The following ATR variants were observed in gnomAD, a reference collection of about 807,000 sequenced individuals.
The protein encoded by ATR is ATR checkpoint kinase.
In ATR, 142 loss-of-function variants were observed where a neutral mutation model predicts 305.3. That is an observed-to-expected ratio of 0.47 (90% CI 0.41 to 0.53). The LOEUF is 0.53. Among genes scored for constraint, ATR ranks in the 20% least tolerant of loss-of-function variants. The pLI is 0.00. For synonymous variants in ATR, 1,050 were observed against 1,068.1 expected, an observed-to-expected ratio of 0.98 and a Z score of 0.33; for missense variants, 2,135 against 3,133.1, an observed-to-expected ratio of 0.68 and a Z score of 7.60.
At chr3:142,535,280 C>T (rs1190192582) in intron 20 of ATR, 75 bp from the exon 21 acceptor site, 81 of 1,566,792 alleles carry the variant, frequency 5.2e-5, no homozygotes, top group Non-Finnish European at 7.0e-5. Flanking sequence ...CCTGAATTCT[C>T]TATATAGTTA....
intron 10 of ATR, 109 bp from the exon 11 acceptor site, chr3:142,554,124 A>G (rs934780660): frequency 1.1e-6 from 1 of 925,982 alleles, no homozygotes; most frequent in East Asian, 2.7e-5. Context: ...AAGTTCTCTT[A>G]TAATGTCAAT....
intron 36 of ATR, among the ~76,000 whole-genome samples, chr3:142,479,646 T>C (rs1369939185): frequency 2.6e-5 from 4 of 152,214 alleles, no homozygotes; most frequent in East Asian, 1.9e-4. Flanking sequence ...CCTTGCTAGG[T>C]TGGGGAAGTT....
At chr3:142,468,125 GAT>G in intron 38 of ATR, 57 bp from the exon 39 acceptor site, 1 of 1,584,312 alleles carries the variant, frequency 6.3e-7, no homozygotes, top group Non-Finnish European at 8.6e-7. Flanking sequence ...ATTTTTAAAA[GAT>G]AAATTTTTTG....
At chr3:142,452,112 A>G (rs2070805298) in intron 46 of ATR, 1 of 1,019,682 alleles carries the variant, frequency 9.8e-7, no homozygotes, top group Non-Finnish European at 1.2e-6. Flanking sequence ...GAACTAAAGA[A>G]GCAGCTAAAC....
chr3:142,568,502 G>A (rs1450000284), intron 1 of ATR, among the ~76,000 whole-genome samples: 1 of 152,216 alleles, frequency 6.6e-6, no homozygotes, highest in African/African-American at 2.4e-5. Flanking sequence ...GGTGAGGAAG[G>A]TGGTGCTAGG....
At position 142,459,033 on chromosome 3, in the gene ATR, A is replaced by G. The variant is rs2108260247; in HGVS notation, c.7428T>C (p.Arg2476=). The change falls in exon 44 of 47, where the codon CGT becomes CGC. Residue 2476 remains arginine, a synonymous_variant. Transcript: ENST00000350721. ...AATCAAAGAGAATATTTTCACCATG[A>G]CGGTCTCCAAGCCCCAGAATATAAC... The part of the protein sequence containing the change: ...MVGYILGLGD[R]HGENILFDSL... 2 of 1,614,012 alleles carry G rather than the reference A, an allele frequency of 1.2e-6. No individual in the cohort carries two copies. The highest frequency in any genetic ancestry group is 1.7e-6 in the Non-Finnish European group (2 of 1,179,890).
Position 142,496,364 on chromosome 3 carries a change from G to A in ATR, c.5895C>T (p.Ser1965=), listed in dbSNP as rs755816184. ...ATGACATTTCCCTGGCCATTACCTT[G>A]GACCAGAGCCACTTTGCCCTTTCCA... ...LYVERAKWLW[S]KGDVHQALIV... The change falls in exon 34 of 47, where the codon TCC becomes TCT. Residue 1965 remains serine, a synonymous_variant. Coordinates refer to ENST00000350721, the MANE Select transcript of ATR (RefSeq NM_001184.4). The A allele has an allele frequency of 2.6e-6, 4 of 1,519,850 alleles. 1 individual carries two copies. Among genetic ancestry groups the A allele is most frequent in the Non-Finnish European group, 3.5e-6 (4 of 1,132,566 alleles). The allele number at this position is 1,519,850 out of a possible 1,614,324, so 94.1% of individuals were successfully genotyped here.
chr3:142,540,661 C>T (rs1209053665), intron 18 of ATR, among the ~76,000 whole-genome samples: 1 of 151,952 alleles, frequency 6.6e-6, no homozygotes, highest in Admixed American at 6.6e-5. Flanking sequence ...TTGATAACTG[C>T]TAAAGTTGGG....
rs143923855 is a variant in ATR, at chr3:142,508,036, T to G, written c.4926A>C (p.Ala1642=). 7 of 1,613,464 alleles carry G rather than the reference T, an allele frequency of 4.3e-6. No individual in the cohort carries two copies. Among genetic ancestry groups the G allele is most frequent in the Non-Finnish European group, 5.9e-6 (7 of 1,179,776 alleles). ...ATGCTTTGGAGCGAAAGGAAGCTAC[T>G]GCCAGAGTATCCTGGGGTATGAGGT... ...FLDLIPQDTL[A]VASFRSKAYT... Residue 1642 remains alanine, a synonymous_variant, in exon 28 of 47, where the codon GCA becomes GCC. Coordinates refer to ENST00000350721, the MANE Select transcript of ATR (RefSeq NM_001184.4).
intron 42 of ATR, among the ~76,000 whole-genome samples, chr3:142,461,006 A>G (rs910954549): frequency 6.6e-6 from 1 of 152,162 alleles, no homozygotes. Flanking sequence ...TTTAGGGGTC[A>G]GGATCCAATC....
Position 142,536,224 on chromosome 3 carries a change from A to G in ATR, c.3726-23T>C, listed in dbSNP as rs537317028. 22 of 1,485,116 alleles carry G rather than the reference A, an allele frequency of 1.5e-5. No individual in the cohort carries two copies. The East Asian group carries it at 4.8e-4, about 32-fold the overall frequency. 92.0% of individuals were successfully genotyped at this position (1,485,116 alleles called of 1,614,324 possible). On this transcript the variant is annotated intron_variant, in intron 19 of 46. Transcript: ENST00000350721. ...TCCCTAATAGTTAGTTGGAATAAAA[A>G]GAATTATTTGCCAAGAATATGAATA...
rs563493385 is a variant in ATR at position 142,561,596 on chromosome 3, C to T, written c.1171-175G>A. Among the ~76,000 whole-genome samples the T allele has an allele frequency of 1.8e-4, 27 of 152,178 alleles. No homozygotes were observed. In the South Asian group the frequency reaches 5.6e-3, roughly 32 times the overall value. On this transcript the variant is annotated intron_variant, in intron 4 of 46. Coordinates refer to ENST00000350721, the MANE Select transcript of ATR (RefSeq NM_001184.4). ...TATATTATTTAAGTCTATATATAGA[C>T]TATGGTTCTATAGTCTTAGAAGGTT...
chr3:142,452,190 G>T, intron 46 of ATR: 1 of 1,001,378 alleles, frequency 1.0e-6, no homozygotes, highest in South Asian at 4.3e-5. Flanking sequence ...AGCCTTCCTC[G>T]AGCTATATCA....
At chr3:142,475,021 C>A (rs1033002299) in intron 36 of ATR, among the ~76,000 whole-genome samples, 3 of 151,850 alleles carry the variant, frequency 2.0e-5, no homozygotes, top group African/African-American at 7.3e-5. Context: ...AGAGGGGTGA[C>A]ATAAAGGTTA....
intron 36 of ATR, among the ~76,000 whole-genome samples, chr3:142,484,863 G>A (rs896766841): frequency 2.6e-5 from 4 of 152,192 alleles, no homozygotes; most frequent in African/African-American, 9.7e-5. Flanking sequence ...GTCTTCTACT[G>A]TGTTGATGAT....
chr3:142,503,246 C>A, intron 30 of ATR, 116 bp downstream of exon 30: 1 of 752,600 alleles, frequency 1.3e-6, no homozygotes, highest in Non-Finnish European at 2.2e-6. Context: ...TCTCCAATAC[C>A]ATGAAAACAC....
In ATR at chr3:142,473,686, C is replaced by T. The variant is rs62276425; in HGVS notation, c.6222-3503G>A. On this transcript the variant is annotated intron_variant, in intron 36 of 46. Coordinates refer to ENST00000350721, the MANE Select transcript of ATR (RefSeq NM_001184.4). ...TCAACCTCCTGAGTAGCTAGGATTACAGGTGCATGCCACCATGCCCAGCTA... is the reference window on the plus strand; with the variant it reads ...TCAACCTCCTGAGTAGCTAGGATTATAGGTGCATGCCACCATGCCCAGCTA... 5.4e-3 allele frequency among the ~76,000 whole-genome samples: 825 copies of T among 152,030 alleles called. 10 individuals carry two copies. The highest frequency in any genetic ancestry group is 7.3e-3 in the Non-Finnish European group (496 of 67,958).
chr3:142,553,828 C>G lies in ATR; in HGVS notation c.2529G>C (p.Lys843Asn). ...ESLDSEDGFI[K>N]ELFVLRMKEA... Reference sequence around the variant, plus strand: ...GTTAAAAACAAAAATTATCAACCTCCTTTATAAATCCATCTTCAGAGTCCA... The same window carrying G: ...GTTAAAAACAAAAATTATCAACCTCGTTTATAAATCCATCTTCAGAGTCCA... The change falls in exon 11 of 47, where the codon AAG becomes AAC. Residue 843 changes from lysine (K) to asparagine (N), a missense_variant. Around this residue, in one of 9 missense-constraint regions of ATR, gnomAD observed 530 missense variants for 766.8 expected, o/e 0.69. Coordinates refer to ENST00000350721, the MANE Select transcript of ATR (RefSeq NM_001184.4). 6.2e-7 allele frequency: 1 copy of G among 1,613,346 alleles called. No individual in the cohort carries two copies. Among genetic ancestry groups the G allele is most frequent in the South Asian group, 1.1e-5 (1 of 91,052 alleles).
chr3:142,484,711 T>C (rs1183755900), intron 36 of ATR, among the ~76,000 whole-genome samples: 1 of 152,074 alleles, frequency 6.6e-6, no homozygotes, highest in Admixed American at 6.6e-5. Flanking sequence ...AAGGAGGAGA[T>C]GGTCTTGTGT....
Sources: allele counts gnomAD v4.1 joint callset (sites outside exome capture counted in the v4.1 genomes callset), GRCh38; gene constraint gnomAD v4.1.1; regional missense constraint gnomAD v4.1.1; transcripts MANE v1.5; gene names NCBI Gene and HGNC (gene_info 2026-07-23, HGNC 2026-07-21).